CCDC102B: variants seen among roughly 807,000 people sequenced by gnomAD.
The protein encoded by CCDC102B is coiled-coil domain containing 102B, also known as coiled-coil domain-containing protein 102B.
In CCDC102B, 75 loss-of-function variants were observed where a neutral mutation model predicts 57.4. The observed-to-expected ratio is 1.31, with a 90% confidence interval of 1.08 to 1.58. The LOEUF is 1.58. Ranked by LOEUF, CCDC102B falls within the 40% of genes most tolerant of loss-of-function variation. CCDC102B has a pLI of 0.00. For missense variants in CCDC102B, 636 were observed against 582.6 expected (o/e 1.09, Z -0.94); for synonymous variants, 206 against 201.9 (o/e 1.02, Z -0.17).
chr18:68,848,989 C>G (rs1375029783), intron 4 of CCDC102B, among the ~76,000 whole-genome samples: 6 of 151,946 alleles, frequency 3.9e-5, no homozygotes, highest in African/African-American at 1.2e-4. Context: ...AATATATTTT[C>G]TTAATAAGTC....
At chr18:68,921,472 A>T (rs919482831) in intron 6 of CCDC102B, among the ~76,000 whole-genome samples, 7 of 152,204 alleles carry the variant, frequency 4.6e-5, no homozygotes, top group South Asian at 2.1e-4. Context: ...AGAGTTTTGC[A>T]GGTGGAAAGA....
chr18:69,051,474 A>G (rs960078399), intron 7 of CCDC102B, among the ~76,000 whole-genome samples: 2 of 152,028 alleles, frequency 1.3e-5, no homozygotes, highest in African/African-American at 4.8e-5. Flanking sequence ...AAATTATCCC[A>G]TAGAGTTAAT....
At position 68,897,393 on chromosome 18, in the gene CCDC102B, A is replaced by G. The variant is rs757532456; in HGVS notation, c.1228A>G (p.Lys410Glu). ...TGCAAACTCTCAAAGTCCTGATTTC[A>G]AGATGTCACAAATTGATCTGCAAGA... ...LSANSQSPDF[K>E]MSQIDLQEKN... is the part of the protein sequence containing the mutation. The change falls in exon 6 of 8, where the codon AAG becomes GAG. Residue 410 changes from lysine (K) to glutamate (E), a missense_variant. By Grantham distance (56) the Lys-to-Glu change is moderately conservative. Transcript: ENST00000360242. 5 of 1,611,798 alleles carry G rather than the reference A, an allele frequency of 3.1e-6. No homozygotes were observed. Among genetic ancestry groups the G allele is most frequent in the Non-Finnish European group, 4.2e-6 (5 of 1,178,934 alleles).
intron 6 of CCDC102B, chr18:68,897,757 A>G (rs1306097837): frequency 1.6e-6 from 1 of 627,646 alleles, no homozygotes. Flanking sequence ...TAATGATCTT[A>G]TTTCCAATAA....
intron 6 of CCDC102B, among the ~76,000 whole-genome samples, chr18:68,933,302 G>GT (rs1439829143): frequency 6.6e-6 from 1 of 151,764 alleles, no homozygotes; most frequent in Non-Finnish European, 1.5e-5. Flanking sequence ...AAATGCCCAT[G>GT]TTTCTTTTTG....
At chr18:68,804,473 T>C (rs2035962967) in intron 1 of CCDC102B, among the ~76,000 whole-genome samples, 1 of 152,248 alleles carries the variant, frequency 6.6e-6, no homozygotes, top group East Asian at 1.9e-4. Context: ...CTGGATGCCT[T>C]CACCCAGAGC....
At chr18:68,775,701 T>C (rs2034789324) in intron 2 of CCDC102B, among the ~76,000 whole-genome samples, 1 of 145,658 alleles carries the variant, frequency 6.9e-6, no homozygotes. Context: ...GTCGCCAGGC[T>C]GGAGTGCAGT....
chr18:69,006,163 G>T (rs2145374702), intron 6 of CCDC102B, among the ~76,000 whole-genome samples: 1 of 151,990 alleles, frequency 6.6e-6, no homozygotes, highest in Admixed American at 6.5e-5. Flanking sequence ...GATTCATTTT[G>T]GATGCTTTCC....
At chr18:68,915,864 G>C (rs2041052571) in intron 6 of CCDC102B, among the ~76,000 whole-genome samples, 6 of 152,108 alleles carry the variant, frequency 3.9e-5, no homozygotes, top group Admixed American at 3.9e-4. Context: ...TTTCCAAACT[G>C]AGGTAAAGTG....
At chr18:68,843,111 C>T (rs1599552467) in intron 3 of CCDC102B, among the ~76,000 whole-genome samples, 7 of 152,040 alleles carry the variant, frequency 4.6e-5, no homozygotes, top group Admixed American at 3.3e-4. Context: ...TTGCAACAGC[C>T]GAGTGCTAAC....
intron 7 of CCDC102B, among the ~76,000 whole-genome samples, chr18:69,013,032 G>GAA (rs144196061): frequency 6.1e-5 from 9 of 146,536 alleles, no homozygotes; most frequent in African/African-American, 2.0e-4. Context: ...CTACCTAAAG[G>GAA]AAAAAAAAAA....
chr18:68,757,920 G>C (rs2034110992), intron 2 of CCDC102B, among the ~76,000 whole-genome samples: 1 of 151,630 alleles, frequency 6.6e-6, no homozygotes, highest in Non-Finnish European at 1.5e-5. Flanking sequence ...ACACATATTA[G>C]AAAGACATCA....
At chr18:68,850,530 AT>A (rs1195116985) in intron 4 of CCDC102B, among the ~76,000 whole-genome samples, 1 of 151,944 alleles carries the variant, frequency 6.6e-6, no homozygotes, top group East Asian at 1.9e-4. Context: ...CAACCTGCCA[AT>A]TCCCTCTTCC....
At chr18:68,933,515 A>G (rs530357115) in intron 6 of CCDC102B, among the ~76,000 whole-genome samples, 13 of 151,966 alleles carry the variant, frequency 8.6e-5, no homozygotes, top group Non-Finnish European at 1.3e-4. Flanking sequence ...GGGTATTGAC[A>G]TTGGGAGAGT....
intron 6 of CCDC102B, among the ~76,000 whole-genome samples, chr18:68,996,694 A>T (rs1291400639): frequency 6.6e-6 from 1 of 152,128 alleles, no homozygotes; most frequent in Non-Finnish European, 1.5e-5. Flanking sequence ...GGAAGTTACT[A>T]AATTGCTTTT....
At chr18:68,719,367 A>C (rs1014685522) in intron 2 of CCDC102B, among the ~76,000 whole-genome samples, 1 of 152,204 alleles carries the variant, frequency 6.6e-6, no homozygotes, top group Non-Finnish European at 1.5e-5. Flanking sequence ...AGCCACTCCA[A>C]GTGTTTAATT....
chr18:68,720,012 G>A (rs570503090), intron 2 of CCDC102B, among the ~76,000 whole-genome samples: 36 of 152,222 alleles, frequency 2.4e-4, no homozygotes, highest in South Asian at 8.3e-4. Flanking sequence ...AGAAATGCAA[G>A]CCTTGGTTTA....
At chr18:68,945,930 T>TA (rs2145183048) in intron 6 of CCDC102B, among the ~76,000 whole-genome samples, 1 of 152,212 alleles carries the variant, frequency 6.6e-6, no homozygotes, top group Admixed American at 6.6e-5. Flanking sequence ...GTCACTTTAT[T>TA]ATTTTTTTTC....
At chr18:68,857,048 AATATATAAATATATTTTTATATATT>A (rs2038423763) in intron 4 of CCDC102B, among the ~76,000 whole-genome samples, 1 of 124,184 alleles carries the variant, frequency 8.1e-6, no homozygotes, top group Non-Finnish European at 1.6e-5. Context: ...TATAATATAT[AATATATAAATATATTTTTATATATT>A]ATATATAAAT....
Sources: allele counts gnomAD v4.1 joint callset (sites outside exome capture counted in the v4.1 genomes callset), GRCh38; gene constraint gnomAD v4.1.1; transcripts MANE v1.5; gene names NCBI Gene and HGNC (gene_info 2026-07-23, HGNC 2026-07-21).